RAPGEF4: variants seen among roughly 807,000 people sequenced by gnomAD.
RAPGEF4 encodes the protein Rap guanine nucleotide exchange factor 4.
Under a neutral mutation model 147.9 loss-of-function variants are expected in RAPGEF4, and 66 were observed. That is an observed-to-expected ratio of 0.45 (90% CI 0.37 to 0.55). The LOEUF is 0.55. Ranked by LOEUF, RAPGEF4 falls within the 20% of genes least tolerant of loss-of-function variation. The probability of loss-of-function intolerance (pLI) is 0.00; values close to 1 mark genes in which losing one functional copy is unlikely to be tolerated. For synonymous variants in RAPGEF4, 419 were observed against 442.7 expected (o/e 0.95, Z 0.67); for missense variants, 1,071 against 1,257.3 (o/e 0.85, Z 2.24).
chr2:172,910,761 C>A (rs187638455), intron 4 of RAPGEF4, among the ~76,000 whole-genome samples: 1 of 152,240 alleles, frequency 6.6e-6, no homozygotes, highest in African/African-American at 2.4e-5. Flanking sequence ...GAGGCAGCAC[C>A]CCAGGAGAGA....
chr2:172,969,767 C>T (rs1316014109), intron 10 of RAPGEF4, among the ~76,000 whole-genome samples: 1 of 152,178 alleles, frequency 6.6e-6, no homozygotes, highest in Non-Finnish European at 1.5e-5. Flanking sequence ...TTGATTTAGC[C>T]TTCTCAAGAG....
intron 1 of RAPGEF4, among the ~76,000 whole-genome samples, chr2:172,776,668 C>A (rs1354985991): frequency 6.6e-6 from 1 of 152,018 alleles, no homozygotes; most frequent in East Asian, 1.9e-4. Flanking sequence ...ATTTCTATTG[C>A]CTGCCTTGAG....
intron 23 of RAPGEF4, among the ~76,000 whole-genome samples, chr2:173,024,463 C>T (rs1443636105): frequency 2.9e-5 from 4 of 140,308 alleles, no homozygotes; most frequent in African/African-American, 9.9e-5. Context: ...GTGATCCGCC[C>T]GCCTCGGCCT....
chr2:172,822,059 T>C, intron 4 of RAPGEF4: 1 of 1,532,024 alleles, frequency 6.5e-7, no homozygotes, highest in Non-Finnish European at 9.0e-7. Flanking sequence ...TTTGGAATTA[T>C]GCTCAAAAAC....
intron 4 of RAPGEF4, among the ~76,000 whole-genome samples, chr2:172,841,785 C>A (rs115708191): frequency 0.013 from 1,787 of 134,164 alleles, 33 homozygotes; most frequent in African/African-American, 0.045. Context: ...TACATGTTGG[C>A]TGAATAACAC....
At position 172,919,873 on chromosome 2, in the gene RAPGEF4, TTC is replaced by T. The variant is rs1208527002; in HGVS notation, c.517+2004_517+2005del. ...ACCTCAGCCATTTTGGACTCCTCCT[TTC>T]TCTCGCCATCACCCCTGCTTGCCCG... On this transcript the variant is annotated intron_variant, in intron 5 of 30. Coordinates refer to ENST00000397081, the MANE Select transcript of RAPGEF4 (RefSeq NM_007023.4). Among the ~76,000 whole-genome samples the T allele has an allele frequency of 3.3e-5, 5 of 152,078 alleles. No homozygotes were observed. In the South Asian group the frequency reaches 1.0e-3, roughly 32 times the overall value.
chr2:172,844,922 G>A (rs1050716855), intron 4 of RAPGEF4, among the ~76,000 whole-genome samples: 1 of 152,158 alleles, frequency 6.6e-6, no homozygotes, highest in African/African-American at 2.4e-5. Context: ...GTATATGAAT[G>A]CAAAGCATGT....
chr2:172,836,469 C>T (rs554595316), intron 4 of RAPGEF4, among the ~76,000 whole-genome samples: 63 of 152,300 alleles, frequency 4.1e-4, no homozygotes, highest in Non-Finnish European at 6.8e-4. Flanking sequence ...CCCATTCTGT[C>T]CATGTGATTA....
intron 4 of RAPGEF4, among the ~76,000 whole-genome samples, chr2:172,906,220 T>A (rs571189043): frequency 6.6e-6 from 1 of 152,334 alleles, no homozygotes; most frequent in East Asian, 1.9e-4. Flanking sequence ...ACAGATGACC[T>A]GTTCTTTGTC....
At chr2:172,980,105 G>A (rs1373872610) in intron 10 of RAPGEF4, among the ~76,000 whole-genome samples, 1 of 152,194 alleles carries the variant, frequency 6.6e-6, no homozygotes, top group Non-Finnish European at 1.5e-5. Flanking sequence ...AGTCCTGCAG[G>A]CATGAAAAAG....
At chr2:172,737,709 A>G (rs1574641755) in intron 1 of RAPGEF4, among the ~76,000 whole-genome samples, 1 of 118,302 alleles carries the variant, frequency 8.5e-6, no homozygotes, top group Non-Finnish European at 1.9e-5. Flanking sequence ...AAAATCTAGG[A>G]AAAAAAAAAA....
intron 6 of RAPGEF4, among the ~76,000 whole-genome samples, chr2:172,929,046 C>T (rs1420394546): frequency 2.6e-5 from 4 of 152,282 alleles, no homozygotes; most frequent in South Asian, 2.1e-4. Context: ...AGGCAATTAT[C>T]GTCATCACCA....
chr2:172,970,064 C>T (rs1297247193), intron 10 of RAPGEF4, among the ~76,000 whole-genome samples: 1 of 152,070 alleles, frequency 6.6e-6, no homozygotes, highest in African/African-American at 2.4e-5. Flanking sequence ...ACTTCTGGAA[C>T]TCTTCAGTTT....
At chr2:172,965,978 C>T (rs531837355) in intron 9 of RAPGEF4, among the ~76,000 whole-genome samples, 6 of 152,302 alleles carry the variant, frequency 3.9e-5, no homozygotes, top group Non-Finnish European at 5.9e-5. Context: ...TCATTGATAG[C>T]GTGATTATAC....
intron 4 of RAPGEF4, among the ~76,000 whole-genome samples, chr2:172,878,383 G>C (rs1485994857): frequency 2.6e-5 from 4 of 152,140 alleles, no homozygotes; most frequent in African/African-American, 7.2e-5. Context: ...TATCCAGAAG[G>C]ATTCTCTGTG....
At chr2:172,787,857 C>G (rs1278929047) in intron 1 of RAPGEF4, among the ~76,000 whole-genome samples, 1 of 152,144 alleles carries the variant, frequency 6.6e-6, no homozygotes, top group African/African-American at 2.4e-5. Flanking sequence ...TGGGCTCAAG[C>G]AACCCTCCCA....
intron 10 of RAPGEF4, among the ~76,000 whole-genome samples, chr2:172,979,884 G>T (rs1691494157): frequency 6.6e-6 from 1 of 152,126 alleles, no homozygotes; most frequent in African/African-American, 2.4e-5. Flanking sequence ...CAGACGTGGT[G>T]GCATGTGGCT....
chr2:173,035,869 A>G (rs979692683), intron 27 of RAPGEF4, among the ~76,000 whole-genome samples: 7 of 152,184 alleles, frequency 4.6e-5, no homozygotes, highest in Non-Finnish European at 5.9e-5. Flanking sequence ...GAAGTGTATC[A>G]TCATAAAGGT....
chr2:172,949,668 C>T (rs573467636), intron 6 of RAPGEF4, among the ~76,000 whole-genome samples: 59 of 152,132 alleles, frequency 3.9e-4, no homozygotes, highest in Non-Finnish European at 7.8e-4. Flanking sequence ...CATCTTGTAA[C>T]CCAAACCTAG....
Sources: gnomAD v4.1 joint callset for allele counts (sites outside exome capture counted in the v4.1 genomes callset) on GRCh38, gnomAD v4.1.1 for gene constraint, MANE v1.5 for transcripts, NCBI Gene and HGNC (gene_info 2026-07-23, HGNC 2026-07-21) for gene names.